The following HMCN2 variants were observed in gnomAD, a reference collection of about 807,000 sequenced individuals.
The protein encoded by HMCN2 is hemicentin-2.
Under a neutral mutation model 377.5 loss-of-function variants are expected in HMCN2, and 325 were observed. That is an observed-to-expected ratio of 0.86 (90% CI 0.79 to 0.94). The LOEUF (loss-of-function observed/expected upper bound fraction) is 0.94. Ranked by LOEUF, HMCN2 falls within the 40% of genes least tolerant of loss-of-function variation. HMCN2 has a pLI of 0.00. For synonymous variants in HMCN2, 2,007 were observed against 2,046.8 expected, an observed-to-expected ratio of 0.98 and a Z score of 0.53; for missense variants, 4,543 against 4,725.3, an observed-to-expected ratio of 0.96 and a Z score of 1.13.
At chr9:130,387,485 A>G (rs559148091) in intron 61 of HMCN2, among the ~76,000 whole-genome samples, 2 of 152,314 alleles carry the variant, frequency 1.3e-5, no homozygotes, top group Admixed American at 1.3e-4. Flanking sequence ...CCTGGCCCAC[A>G]GGAAGCAGAA....
rs868688848 is a variant in HMCN2 at position 130,396,285 on chromosome 9, A to G, written c.11170A>G (p.Arg3724Gly). The change falls in exon 73 of 98, where the codon AGG becomes GGG. Residue 3724 changes from arginine (R) to glycine (G), a missense_variant. Transcript: ENST00000683500. Reference protein sequence around the residue: ...PAPLVSWRKDRVPLDPRSPRF... With the variant: ...PAPLVSWRKDGVPLDPRSPRF... ...ACCCCTCGTGAGCTGGCGGAAGGAC[A>G]GGGTCCCCCTGGATCCCAGGAGCCC... 69 of 1,279,914 alleles carry G rather than the reference A, an allele frequency of 5.4e-5. No individual in the cohort carries two copies. In the African/African-American group the frequency reaches 9.6e-4, roughly 18 times the overall value. 79.3% of individuals were successfully genotyped at this position (1,279,914 alleles called of 1,614,324 possible). A position where few individuals can be genotyped will look rare whatever the true frequency, so the allele number is the denominator to read the frequency against.
intron 15 of HMCN2, among the ~76,000 whole-genome samples, chr9:130,318,950 C>G (rs1837706413): frequency 6.6e-6 from 1 of 152,220 alleles, no homozygotes; most frequent in African/African-American, 2.4e-5. Flanking sequence ...GTGGAAATGG[C>G]AGCTGAGTCC....
intron 4 of HMCN2, among the ~76,000 whole-genome samples, chr9:130,291,905 T>G (rs1054308511): frequency 3.9e-5 from 6 of 152,342 alleles, no homozygotes; most frequent in Middle Eastern, 6.8e-3. Flanking sequence ...AAGTCCTCTT[T>G]GGTCTGAAGC....
At chr9:130,416,098 TTA>T (rs1193226887) in intron 85 of HMCN2, among the ~76,000 whole-genome samples, 76 of 86,386 alleles carry the variant, frequency 8.8e-4, no homozygotes, top group South Asian at 2.2e-3. Context: ...TCTAGAGGCT[TTA>T]TTTTTTTTTT....
In HMCN2 at chr9:130,353,035, C is replaced by G. The variant is rs577091595; in HGVS notation, c.4694C>G (p.Thr1565Ser). The change falls in exon 31 of 98, where the codon ACC (threonine) becomes AGC (serine). Residue 1565 changes from threonine (T) to serine (S), a missense_variant. Thr to Ser is a moderately conservative substitution (Grantham distance 58). Around this residue, in one of 5 missense-constraint regions of HMCN2, gnomAD observed 1,032 missense variants for 1,285.1 expected, o/e 0.80. Coordinates refer to ENST00000683500, the MANE Select transcript of HMCN2 (RefSeq NM_001291815.2). ...EARGVPTPNI[T>S]WFKDGALLPT... The stretch of plus-strand genomic sequence containing the variant: ...CGAGGAGTGCCCACCCCAAACATCA[C>G]CTGGTTCAAGGACGGGGCCCTGCTC... 2 of 1,304,214 alleles carry G rather than the reference C, an allele frequency of 1.5e-6. No homozygotes were observed. The highest frequency in any genetic ancestry group is 3.0e-5 in the African/African-American group (2 of 65,978). 80.8% of individuals were successfully genotyped at this position (1,304,214 alleles called of 1,614,324 possible).
At chr9:130,293,279 G>GATTTTTTTTTTTTTTTTTT (rs1835901264) in intron 4 of HMCN2, among the ~76,000 whole-genome samples, 1 of 57,126 alleles carries the variant, frequency 1.8e-5, no homozygotes, top group Non-Finnish European at 2.7e-5. Flanking sequence ...ACTCACTAAA[G>GATTTTTTTTTTTTTTTTTT]TTTTTTTTTT....
rs61740830 is a variant in HMCN2 at position 130,375,976 on chromosome 9, T to G, written c.7905T>G (p.His2635Gln). ...NELGEAVKNY[H>Q]VEVLIPPSIS... ...TCGGGGAGGCCGTGAAAAACTACCATGTGGAAGTGCTCAGTGAGTCGGGGA... is the reference window on the plus strand; with the variant it reads ...TCGGGGAGGCCGTGAAAAACTACCAGGTGGAAGTGCTCAGTGAGTCGGGGA... The change falls in exon 51 of 98, where the codon CAT becomes CAG. Residue 2635 changes from histidine (H) to glutamine (Q), a missense_variant. Coordinates refer to ENST00000683500, the MANE Select transcript of HMCN2 (RefSeq NM_001291815.2). 2.0e-6 allele frequency: 2 copies of G among 985,446 alleles called. No homozygotes were observed. Among genetic ancestry groups the G allele is most frequent in the Non-Finnish European group, 2.4e-6 (2 of 829,748 alleles). The allele number at this position is 985,446 out of a possible 1,614,324, so 61.0% of individuals were successfully genotyped here. A position where few individuals can be genotyped will look rare whatever the true frequency, so the allele number is the denominator to read the frequency against.
At position 130,422,843 on chromosome 9, in the gene HMCN2, G is replaced by T; in HGVS notation, c.13381+117G>T. On this transcript the variant is annotated intron_variant, in intron 87 of 97. Transcript: ENST00000683500. The surrounding 1 kb of genome is among the most constrained non-coding windows in gnomAD (Gnocchi z 4.2). ...GCCTGTGCCCCGAGACTTGCTCAAG[G>T]CCTGATGACCAGAGCACGTCTGACC... The T allele has an allele frequency of 1.2e-6, 1 of 846,574 alleles. No homozygotes were observed. The allele number at this position is 846,574 out of a possible 1,614,324, so 52.4% of individuals were successfully genotyped here.
chr9:130,279,318 A>G (rs1303871977), intron 1 of HMCN2, among the ~76,000 whole-genome samples: 1 of 152,040 alleles, frequency 6.6e-6, no homozygotes, highest in Admixed American at 6.6e-5. Context: ...ATCTTTAGAA[A>G]GGTGGGGGTC....
At chr9:130,366,019 C>A (rs1564821064) in intron 43 of HMCN2, 24 bp downstream of exon 43, 3 of 985,928 alleles carry the variant, frequency 3.0e-6, no homozygotes, top group Non-Finnish European at 2.4e-6. Flanking sequence ...CCTCACCCAG[C>A]CCCACCTCAT....
chr9:130,407,573 G>A lies in HMCN2; in HGVS notation c.12556G>A (p.Gly4186Arg). The A allele has an allele frequency of 7.8e-7, 1 of 1,289,568 alleles. No homozygotes were observed. Among genetic ancestry groups the A allele is most frequent in the Non-Finnish European group, 1.0e-6 (1 of 988,720 alleles). The allele number at this position is 1,289,568 out of a possible 1,614,324, so 79.9% of individuals were successfully genotyped here. A position where few individuals can be genotyped will look rare whatever the true frequency, so the allele number is the denominator to read the frequency against. Residue 4186 changes from glycine (G) to arginine (R), a missense_variant and splice_region_variant, in exon 83 of 98, where the codon GGG becomes AGG. Physicochemically the swap from Gly to Arg is moderately radical, Grantham distance 125 (BLOSUM62 -2). Coordinates refer to ENST00000683500, the MANE Select transcript of HMCN2 (RefSeq NM_001291815.2). Reference protein sequence around the residue: ...WTVNDRPVTEGVSEQDGGSTL... With the variant: ...WTVNDRPVTERVSEQDGGSTL... ...CGACTTCTCTTTCTCCACCACAGAA[G>A]GGGTGTCTGAGCAGGATGGAGGCAG...
chr9:130,328,211 G>A (rs1007878060), intron 22 of HMCN2, among the ~76,000 whole-genome samples: 4 of 152,190 alleles, frequency 2.6e-5, no homozygotes, highest in Admixed American at 6.5e-5. Flanking sequence ...CCTTGCAGCC[G>A]GGCACCCCTA....
intron 62 of HMCN2, among the ~76,000 whole-genome samples, chr9:130,390,174 A>G (rs974367021): frequency 2.0e-5 from 3 of 151,860 alleles, no homozygotes; most frequent in African/African-American, 7.3e-5. Flanking sequence ...TCCCGTGGTC[A>G]CCTCTGCTCC....
At position 130,428,431 on chromosome 9, in the gene HMCN2, C is replaced by A; in HGVS notation, c.14139C>A (p.Tyr4713Ter). The change falls in exon 93 of 98, where the codon TAC becomes TAA. Residue 4713 changes from tyrosine to a stop codon, truncating the protein, a stop_gained. Transcript: ENST00000683500. LOFTEE classifies it high-confidence loss of function. The surrounding 1 kb of genome is among the most constrained non-coding windows in gnomAD (Gnocchi z 5.0). ...GQRCVNLLGS[Y>*]RCLPDCGPGF... is the part of the protein sequence containing the mutation. ...GCTGTGTGAACCTGCTCGGGTCCTA[C>A]CGCTGCCTCCCCGACTGTGGGCCTG... The A allele has an allele frequency of 6.5e-7, 1 of 1,546,656 alleles. No individual in the cohort carries two copies. Among genetic ancestry groups the A allele is most frequent in the Non-Finnish European group, 8.7e-7 (1 of 1,146,938 alleles).
rs1038091020 is a variant in HMCN2, at chr9:130,362,764, G to T, written c.6109-103G>T. The T allele has an allele frequency of 3.5e-5, 31 of 891,752 alleles. No homozygotes were observed. The African/African-American group carries it at 5.2e-4, about 15-fold the overall frequency. 55.2% of individuals were successfully genotyped at this position (891,752 alleles called of 1,614,324 possible). A position where few individuals can be genotyped will look rare whatever the true frequency, so the allele number is the denominator to read the frequency against. On this transcript the variant is annotated intron_variant, in intron 39 of 97. Transcript: ENST00000683500. Reference sequence around the variant, plus strand: ...TCTGAGTCTGGGGCAGGCTGTCCAGGCGTGCTCGGCAGCAAGGCCGGCTTG... The same window carrying T: ...TCTGAGTCTGGGGCAGGCTGTCCAGTCGTGCTCGGCAGCAAGGCCGGCTTG...
At chr9:130,364,929 G>C (rs1442260327) in intron 41 of HMCN2, 40 bp downstream of exon 41, 19 of 982,602 alleles carry the variant, frequency 1.9e-5, no homozygotes, top group Non-Finnish European at 2.3e-5. Flanking sequence ...CCTCCACCTC[G>C]GCCCAAGGGC....
intron 73 of HMCN2, 54 bp downstream of exon 73, chr9:130,396,367 G>A: frequency 8.2e-7 from 1 of 1,226,590 alleles, no homozygotes; most frequent in South Asian, 1.3e-5. Flanking sequence ...CACTTTGTGG[G>A]TTGCAAATCA....
At chr9:130,403,088 C>T in intron 78 of HMCN2, 106 bp from the exon 79 acceptor site, 1 of 1,134,162 alleles carries the variant, frequency 8.8e-7, no homozygotes. Context: ...TTTCTAGAAC[C>T]CCCGTTCTCC....
chr9:130,322,815 G>C (rs1387896902), intron 19 of HMCN2, among the ~76,000 whole-genome samples: 1 of 152,204 alleles, frequency 6.6e-6, no homozygotes, highest in East Asian at 1.9e-4. Context: ...GAACCACTGT[G>C]CTTTTTAATG....
Sources: allele counts gnomAD v4.1 joint callset (sites outside exome capture counted in the v4.1 genomes callset), GRCh38; gene constraint gnomAD v4.1.1; regional missense constraint gnomAD v4.1.1; non-coding constraint Gnocchi (gnomAD v3.1); transcripts MANE v1.5; gene names NCBI Gene and HGNC (gene_info 2026-07-23, HGNC 2026-07-21).